Variants in COG5 observed in about 807,000 individuals in gnomAD.
COG5 encodes the protein conserved oligomeric Golgi complex subunit 5.
Under a neutral mutation model 110.4 loss-of-function variants are expected in COG5, and 86 were observed. The observed-to-expected ratio is 0.78, with a 90% confidence interval of 0.65 to 0.93. The LOEUF (loss-of-function observed/expected upper bound fraction) is 0.93. Ranked by LOEUF, COG5 falls within the 40% of genes least tolerant of loss-of-function variation. The pLI, the probability that COG5 is intolerant of heterozygous loss-of-function variation, is 0.00. For missense variants in COG5, 1,077 were observed against 987.0 expected, an observed-to-expected ratio of 1.09 and a Z score of -1.22; for synonymous variants, 360 against 334.6, an observed-to-expected ratio of 1.08 and a Z score of -0.83.
In COG5 at chr7:107,356,607, A is replaced by G. The variant is rs557457327; in HGVS notation, c.1026+5426T>C. Among the ~76,000 whole-genome samples, 3 of 152,306 alleles carry G rather than the reference A, an allele frequency of 2.0e-5. No homozygotes were observed. In the East Asian group the frequency reaches 5.8e-4, roughly 29 times the overall value. On this transcript the variant is annotated intron_variant, in intron 10 of 21. Coordinates refer to ENST00000297135, the MANE Select transcript of COG5 (RefSeq NM_006348.5). The stretch of plus-strand genomic sequence containing the variant: ...TCTCAAAGGCAGCTTTTGAATAAAA[A>G]AAAGAAAAAAATTTCAGTACATTTT...
chr7:107,429,872 C>G (rs1793897968), intron 6 of COG5, among the ~76,000 whole-genome samples: 1 of 152,166 alleles, frequency 6.6e-6, no homozygotes, highest in Non-Finnish European at 1.5e-5. Flanking sequence ...ATGGAACTGT[C>G]AGTCCATTAA....
chr7:107,229,730 C>T (rs150260718), intron 19 of COG5, among the ~76,000 whole-genome samples: 9 of 151,678 alleles, frequency 5.9e-5, no homozygotes, highest in South Asian at 2.1e-4. Flanking sequence ...GTGATTTCTC[C>T]GCTCAGTACT....
At chr7:107,386,409 C>G (rs1340945244) in intron 7 of COG5, among the ~76,000 whole-genome samples, 2 of 152,094 alleles carry the variant, frequency 1.3e-5, no homozygotes, top group African/African-American at 2.4e-5. Context: ...GTCGTTGGGT[C>G]AGGGTCTGCC....
intron 14 of COG5, among the ~76,000 whole-genome samples, chr7:107,280,486 T>C (rs1272205308): frequency 5.3e-5 from 8 of 152,062 alleles, no homozygotes. Flanking sequence ...ATTTTGTTTA[T>C]TATGGTATTT....
In COG5 at chr7:107,415,760, A is replaced by G. The variant is rs540622091; in HGVS notation, c.539-3128T>C. 3.7e-4 allele frequency among the ~76,000 whole-genome samples: 54 copies of G among 145,308 alleles called. 1 individual carries two copies. In the South Asian group the frequency reaches 0.01, roughly 28 times the overall value. ...TATAAATACATGTATGTATATATGT[A>G]TGTGTGTATATATACACACACATAC... is the stretch of plus-strand genomic sequence containing the variant. On this transcript the variant is annotated intron_variant, in intron 6 of 21. Transcript: ENST00000297135.
At chr7:107,332,513 A>C (rs1449553920) in intron 10 of COG5, among the ~76,000 whole-genome samples, 1 of 152,068 alleles carries the variant, frequency 6.6e-6, no homozygotes, top group Non-Finnish European at 1.5e-5. Context: ...GAAGAGGAGG[A>C]GGAATCAATA....
chr7:107,233,596 T>C (rs1800933934), intron 18 of COG5, among the ~76,000 whole-genome samples: 1 of 152,242 alleles, frequency 6.6e-6, no homozygotes, highest in Admixed American at 6.5e-5. Context: ...ACCTGGTCTA[T>C]AGGTCCCTTC....
intron 6 of COG5, among the ~76,000 whole-genome samples, chr7:107,499,555 G>A (rs932908464): frequency 5.9e-5 from 9 of 151,974 alleles, no homozygotes; most frequent in East Asian, 3.9e-4. Context: ...AAAGGAGCAC[G>A]TCACCATGCC....
chr7:107,474,560 T>C lies in COG5; in HGVS notation c.538+52677A>G. ...ATGTTAATGATATCCATTTGGATTT[T>C]TTCTTTTTTCTCTTTCCTGATTCCT... is the stretch of plus-strand genomic sequence containing the variant. On this transcript the variant is annotated intron_variant, in intron 6 of 21. Transcript: ENST00000297135. This position sits in a 1 kb window ranked among gnomAD's most constrained non-coding sequence, Gnocchi z 5.7. 1 of 1,611,018 alleles carries C rather than the reference T, an allele frequency of 6.2e-7. No individual in the cohort carries two copies. The highest frequency in any genetic ancestry group is 8.5e-7 in the Non-Finnish European group (1 of 1,178,558).
intron 10 of COG5, among the ~76,000 whole-genome samples, chr7:107,329,393 G>A (rs1810050079): frequency 2.0e-5 from 3 of 152,008 alleles, no homozygotes; most frequent in Admixed American, 2.0e-4. Flanking sequence ...TTTGGGGTAA[G>A]ATAGTATGTT....
intron 6 of COG5, among the ~76,000 whole-genome samples, chr7:107,457,596 T>A (rs1319669757): frequency 3.3e-5 from 5 of 151,866 alleles, no homozygotes; most frequent in Admixed American, 3.3e-4. Flanking sequence ...GCCCGGCTAA[T>A]TTTTTGTATT....
Position 107,435,505 on chromosome 7 carries a change from T to C in COG5, c.539-22873A>G, listed in dbSNP as rs186675137. On this transcript the variant is annotated intron_variant, in intron 6 of 21. Coordinates refer to ENST00000297135, the MANE Select transcript of COG5 (RefSeq NM_006348.5). ...TCGTTTCTACTAAAAATACAAAAAT[T>C]AGCTGGGTGTGGTGGCAGGCACCTG... 2.6e-3 allele frequency among the ~76,000 whole-genome samples: 394 copies of C among 151,972 alleles called. 2 individuals are homozygous for C. The highest frequency in any genetic ancestry group is 9.3e-3 in the African/African-American group (384 of 41,472).
At chr7:107,393,035 T>C (rs1790738451) in intron 7 of COG5, among the ~76,000 whole-genome samples, 1 of 152,206 alleles carries the variant, frequency 6.6e-6, no homozygotes, top group South Asian at 2.1e-4. Flanking sequence ...GAACAGTTAA[T>C]CAACTTCTTG....
At chr7:107,448,151 G>C (rs2129091298) in intron 6 of COG5, among the ~76,000 whole-genome samples, 1 of 152,148 alleles carries the variant, frequency 6.6e-6, no homozygotes, top group East Asian at 1.9e-4. Flanking sequence ...GTAAGACTCT[G>C]TCTCAAAAAT....
chr7:107,362,348 A>T lies in COG5; in HGVS notation c.908T>A (p.Met303Lys), dbSNP rs1813194390. 1 of 1,613,380 alleles carries T rather than the reference A, an allele frequency of 6.2e-7. No individual in the cohort carries two copies. The highest frequency in any genetic ancestry group is 1.7e-5 in the Admixed American group (1 of 59,990). ...AALRASFWTNMEKLMDHIYAV... is the reference protein window; with the variant it reads ...AALRASFWTNKEKLMDHIYAV... ...ATAAATATGATCCATAAGTTTCTCC[A>T]TATTGGTCCAGAATGAGGCACGCAA... is the stretch of plus-strand genomic sequence containing the variant. The change falls in exon 9 of 22, where the codon ATG (methionine) becomes AAG (lysine). Residue 303 changes from methionine to lysine, a missense_variant. Met to Lys is a moderately conservative substitution (Grantham distance 95). Coordinates refer to ENST00000297135, the MANE Select transcript of COG5 (RefSeq NM_006348.5).
intron 11 of COG5, among the ~76,000 whole-genome samples, chr7:107,304,271 T>C (rs1807521922): frequency 6.6e-6 from 1 of 152,200 alleles, no homozygotes; most frequent in South Asian, 2.1e-4. Flanking sequence ...GTGCTCAATT[T>C]CTCTCTTCCC....
chr7:107,299,879 T>C (rs1807110272), intron 11 of COG5, among the ~76,000 whole-genome samples: 2 of 143,616 alleles, frequency 1.4e-5, no homozygotes, highest in Non-Finnish European at 3.1e-5. Flanking sequence ...CTGGAATATA[T>C]ATATATATAT....
Position 107,412,606 on chromosome 7 carries a change from A to C in COG5, c.565T>G (p.Ser189Ala). 6.4e-7 allele frequency: 1 copy of C among 1,561,524 alleles called. No homozygotes were observed. Among genetic ancestry groups the C allele is most frequent in the East Asian group, 2.2e-5 (1 of 44,494 alleles). Residue 189 changes from serine to alanine, a missense_variant, in exon 7 of 22, where the codon TCT (serine) becomes GCT (alanine). Coordinates refer to ENST00000297135, the MANE Select transcript of COG5 (RefSeq NM_006348.5). ...TCATTTTCTATCACTTCTATTCCAG[A>C]AAGATCTATTCCTTGAGAAAGATAA... ...LDYLSQGIDL[S>A]GIEVIENDLL...
chr7:107,261,978 C>A (rs889146991), intron 14 of COG5, among the ~76,000 whole-genome samples: 1 of 151,858 alleles, frequency 6.6e-6, no homozygotes, highest in Non-Finnish European at 1.5e-5. Context: ...GCAACCTTCA[C>A]CTACTGGGTT....
Sources: allele counts gnomAD v4.1 joint callset (sites outside exome capture counted in the v4.1 genomes callset), GRCh38; gene constraint gnomAD v4.1.1; non-coding constraint Gnocchi (gnomAD v3.1); transcripts MANE v1.5; gene names NCBI Gene and HGNC (gene_info 2026-07-23, HGNC 2026-07-21).